DPP6: variants seen among roughly 807,000 people sequenced by gnomAD.
DPP6 encodes the protein A-type potassium channel modulatory protein DPP6.
In DPP6, 69 loss-of-function variants were observed where a neutral mutation model predicts 122.6. The observed-to-expected ratio is 0.56, with a 90% CI of 0.46 to 0.69. The LOEUF is 0.69. Ranked by LOEUF, DPP6 falls within the 30% of genes least tolerant of loss-of-function variation. DPP6 has a pLI of 0.00. For synonymous variants in DPP6, 418 were observed against 433.1 expected, an observed-to-expected ratio of 0.97 and a Z score of 0.43; for missense variants, 928 against 1,116.9, an observed-to-expected ratio of 0.83 and a Z score of 2.41.
At chr7:154,177,432 A>C (rs1276663629) in intron 1 of DPP6, among the ~76,000 whole-genome samples, 1 of 152,238 alleles carries the variant, frequency 6.6e-6, no homozygotes, top group East Asian at 1.9e-4. Flanking sequence ...CTCTGATTTT[A>C]AAATATGGGA....
At chr7:154,733,565 G>T (rs1444768024) in intron 8 of DPP6, among the ~76,000 whole-genome samples, 1 of 152,326 alleles carries the variant, frequency 6.6e-6, no homozygotes, top group East Asian at 1.9e-4. Context: ...GTGGGCCCCA[G>T]GCAGATAAAT....
At chr7:154,758,976 T>A (rs1795333822) in intron 8 of DPP6, among the ~76,000 whole-genome samples, 1 of 152,204 alleles carries the variant, frequency 6.6e-6, no homozygotes, top group South Asian at 2.1e-4. Flanking sequence ...TGGATTTTCC[T>A]CTCAAAGTTG....
intron 7 of DPP6, among the ~76,000 whole-genome samples, chr7:154,675,284 C>T (rs77627163): frequency 6.6e-6 from 1 of 151,828 alleles, no homozygotes; most frequent in Non-Finnish European, 1.5e-5. Flanking sequence ...TGCAGCAAGC[C>T]AACATAGCAC....
Position 154,313,685 on chromosome 7 carries a change from G to GTGTGTGTGTATATATATATATATA in DPP6, c.244-132528_244-132527insGTGTGTGTATATATATATATATAT. Reference sequence around the variant, plus strand: ...AAGCAACAAGATATTTTAAGATATGGTATATATATATATATATATATATAT... The same window carrying GTGTGTGTGTATATATATATATATA: ...AAGCAACAAGATATTTTAAGATATGGTGTGTGTGTATATATATATATATATATATATATATATATATATATATAT... On this transcript the variant is annotated intron_variant, in intron 1 of 25. Transcript: ENST00000377770. Among the ~76,000 whole-genome samples, 49 of 20,460 alleles carry GTGTGTGTGTATATATATATATATA rather than the reference G, an allele frequency of 2.4e-3. 7 individuals are homozygous for GTGTGTGTGTATATATATATATATA. Among genetic ancestry groups the GTGTGTGTGTATATATATATATATA allele is most frequent in the African/African-American group, 5.3e-3 (42 of 7,874 alleles). 13.4% of individuals were successfully genotyped at this position (20,460 alleles called of 152,430 possible). A position where few individuals can be genotyped will look rare whatever the true frequency, so the allele number is the denominator to read the frequency against.
intron 1 of DPP6, chr7:154,305,620 A>C: frequency 2.6e-6 from 4 of 1,541,490 alleles, no homozygotes; most frequent in Non-Finnish European, 3.5e-6. Context: ...ATGTGTGTGC[A>C]TGAGAGAGAC....
At chr7:154,134,400 G>T (rs1258345820) in intron 1 of DPP6, among the ~76,000 whole-genome samples, 1 of 152,020 alleles carries the variant, frequency 6.6e-6, no homozygotes, top group African/African-American at 2.4e-5. Context: ...TGGGAGAGCA[G>T]CAGCCTGTGG....
the DPP6 span, among the ~76,000 whole-genome samples, chr7:153,869,437 G>A: frequency 5.9e-5 from 9 of 152,220 alleles, no homozygotes; most frequent in African/African-American, 2.2e-4. Flanking sequence ...GATCTTTGTT[G>A]GTTTAAAGTC....
At chr7:153,796,681 G>A in the DPP6 span, among the ~76,000 whole-genome samples, 1 of 152,176 alleles carries the variant, frequency 6.6e-6, no homozygotes, top group African/African-American at 2.4e-5. Flanking sequence ...CTGGGGGTGG[G>A]TGGCCTAGAG....
intron 10 of DPP6, among the ~76,000 whole-genome samples, chr7:154,790,992 C>G (rs927553311): frequency 6.6e-6 from 1 of 152,118 alleles, no homozygotes; most frequent in Non-Finnish European, 1.5e-5. Context: ...TGGTCCATGC[C>G]TGTAGTCCCA....
chr7:154,065,268 GCCC>G (rs1802614585), intron 1 of DPP6, among the ~76,000 whole-genome samples: 2 of 134,098 alleles, frequency 1.5e-5, no homozygotes, highest in East Asian at 4.3e-4. Flanking sequence ...GGCTGTGAGG[GCCC>G]TGGGAGCAAG....
In DPP6 at chr7:154,845,775, A is replaced by G. The variant is rs149828254; in HGVS notation, c.1667-8005A>G. Among the ~76,000 whole-genome samples, 3 of 152,276 alleles carry G rather than the reference A, an allele frequency of 2.0e-5. No homozygotes were observed. In the South Asian group the frequency reaches 6.2e-4, roughly 31 times the overall value. On this transcript the variant is annotated intron_variant, in intron 16 of 25. Coordinates refer to ENST00000377770, the MANE Select transcript of DPP6 (RefSeq NM_130797.4). ...GATACAACCTAGATCTCCATACACT[A>G]TCAGTTGGAGAGCAACTAGACAATA... is the stretch of plus-strand genomic sequence containing the variant.
chr7:154,131,322 C>T lies in DPP6; in HGVS notation c.243+78259C>T, dbSNP rs935722901. ...TGCCATGATATCTTCTTTCCAGGAA[C>T]GTCAGTTGTGACTGATAACATGCTG... On this transcript the variant is annotated intron_variant, in intron 1 of 25. Coordinates refer to ENST00000377770, the MANE Select transcript of DPP6 (RefSeq NM_130797.4). Among the ~76,000 whole-genome samples, 81 of 152,302 alleles carry T rather than the reference C, an allele frequency of 5.3e-4. 1 individual carries two copies. Among genetic ancestry groups the T allele is most frequent in the Middle Eastern group, 6.8e-3 (2 of 294 alleles).
chr7:153,893,338 T>G (rs576286733), intron 1 of DPP6, among the ~76,000 whole-genome samples: 2 of 152,356 alleles, frequency 1.3e-5, no homozygotes, highest in East Asian at 3.9e-4. Context: ...TTGAACCCTC[T>G]GTGCTATTAC....
chr7:154,054,341 T>C (rs915012015), intron 1 of DPP6, among the ~76,000 whole-genome samples: 2 of 152,190 alleles, frequency 1.3e-5, no homozygotes, highest in Non-Finnish European at 2.9e-5. Context: ...TTGAGTGATT[T>C]CCCAGGGACA....
At chr7:154,074,782 T>C (rs2150516597) in intron 1 of DPP6, among the ~76,000 whole-genome samples, 1 of 152,046 alleles carries the variant, frequency 6.6e-6, no homozygotes, top group South Asian at 2.1e-4. Context: ...CGCTGAGAGT[T>C]CCAGCTCAGT....
At chr7:154,188,988 C>G (rs1184651959) in intron 1 of DPP6, among the ~76,000 whole-genome samples, 1 of 152,194 alleles carries the variant, frequency 6.6e-6, no homozygotes, top group African/African-American at 2.4e-5. Context: ...AAGACTTCTT[C>G]CGACCAGGGA....
intron 1 of DPP6, among the ~76,000 whole-genome samples, chr7:153,980,953 C>T (rs39137): frequency 0.87 from 132,778 of 152,136 alleles, 57,987 homozygotes; most frequent in Middle Eastern, 0.91. Context: ...TGCTGAGGAG[C>T]GTTTTACTCC....
intron 1 of DPP6, among the ~76,000 whole-genome samples, chr7:153,958,990 A>T (rs1446278615): frequency 1.3e-5 from 2 of 152,104 alleles, no homozygotes; most frequent in Non-Finnish European, 2.9e-5. Flanking sequence ...CGTTGAGGGG[A>T]TACATCACTT....
At chr7:154,387,690 C>A (rs112599016) in intron 1 of DPP6, among the ~76,000 whole-genome samples, 6 of 152,206 alleles carry the variant, frequency 3.9e-5, no homozygotes, top group South Asian at 2.1e-4. Context: ...CAGCCTCCCC[C>A]CAACCGAGCC....
Sources: allele counts gnomAD v4.1 joint callset (sites outside exome capture counted in the v4.1 genomes callset), GRCh38; gene constraint gnomAD v4.1.1; transcripts MANE v1.5; gene names NCBI Gene and HGNC (gene_info 2026-07-23, HGNC 2026-07-21).